The following RIOK3 variants were observed in gnomAD, a reference collection of about 807,000 sequenced individuals.
The protein encoded by RIOK3 is serine/threonine-protein kinase RIO3.
In RIOK3, 40 loss-of-function variants were observed where a neutral mutation model predicts 63.5. The observed-to-expected ratio is 0.63, with a 90% confidence interval of 0.49 to 0.82. The LOEUF (loss-of-function observed/expected upper bound fraction) is 0.82, where lower values mean the gene tolerates loss of function less well. Ranked by LOEUF, RIOK3 falls within the 40% of genes least tolerant of loss-of-function variation. The probability of loss-of-function intolerance (pLI) is 0.00; values close to 1 mark genes in which losing one functional copy is unlikely to be tolerated. For missense variants in RIOK3, 557 were observed against 637.0 expected (o/e 0.87, Z 1.35); for synonymous variants, 193 against 205.0 (o/e 0.94, Z 0.50).
chr18:23,468,225 T>G (rs1433702470), intron 7 of RIOK3, among the ~76,000 whole-genome samples: 4 of 152,108 alleles, frequency 2.6e-5, no homozygotes, highest in Non-Finnish European at 5.9e-5. Flanking sequence ...ATTGGCCATT[T>G]GTATTTCTTT....
intron 2 of RIOK3, among the ~76,000 whole-genome samples, chr18:23,463,578 T>C (rs1406974817): frequency 6.6e-6 from 1 of 152,022 alleles, no homozygotes; most frequent in Non-Finnish European, 1.5e-5. Flanking sequence ...TCCGGCTAAT[T>C]TTGTATTTTT....
rs1944715082 is a variant in RIOK3, at chr18:23,464,583, T to C, written c.498T>C (p.His166=). The part of the protein sequence containing the change: ...IGKGKDITTK[H]DEVVCGRKNT... ...AAGGAAAAGATATCACCACCAAACA[T>C]GATGAAGTAGTATGTGGGAGAAAGA... The change falls in exon 5 of 13, where the codon CAT becomes CAC. Residue 166 remains histidine (H), a synonymous_variant. Transcript: ENST00000339486. 6.2e-7 allele frequency: 1 copy of C among 1,607,706 alleles called. No homozygotes were observed. The highest frequency in any genetic ancestry group is 8.5e-7 in the Non-Finnish European group (1 of 1,178,202).
chr18:23,469,613 C>T (rs1462670894), intron 7 of RIOK3, among the ~76,000 whole-genome samples: 4 of 151,172 alleles, frequency 2.6e-5, no homozygotes, highest in South Asian at 4.2e-4. Context: ...TCAGCCTCCC[C>T]GGTAGCGGGG....
At chr18:23,475,223 C>T in intron 9 of RIOK3, 116 bp downstream of exon 9, 1 of 746,930 alleles carries the variant, frequency 1.3e-6, no homozygotes, top group Non-Finnish European at 2.1e-6. Flanking sequence ...TAATCTAGAA[C>T]TTTGGGAGGC....
At chr18:23,470,794 T>C (rs2057451482) in intron 7 of RIOK3, among the ~76,000 whole-genome samples, 1 of 152,166 alleles carries the variant, frequency 6.6e-6, no homozygotes. Flanking sequence ...CTTTTTGTAG[T>C]AGGACAATGA....
rs765228950 is a variant in RIOK3, at chr18:23,482,654, G to C, written c.*1375G>C. On this transcript the variant is annotated 3_prime_UTR_variant, in exon 13 of 13. Coordinates refer to ENST00000339486, the MANE Select transcript of RIOK3 (RefSeq NM_003831.5). ...TGTGCTAGAAAAGTATATTGGCTTT[G>C]TTAGGATTAAAGTTCATTAACTTCA... The C allele has an allele frequency of 6.6e-6, 1 of 152,106 alleles. No homozygotes were observed. Among genetic ancestry groups the C allele is most frequent in the Non-Finnish European group, 1.5e-5 (1 of 68,028 alleles). The allele number at this position is 152,106 out of a possible 1,614,324, so 9.4% of individuals were successfully genotyped here. A position where few individuals can be genotyped will look rare whatever the true frequency, so the allele number is the denominator to read the frequency against.
chr18:23,477,838 G>A (rs1171755566), intron 11 of RIOK3, among the ~76,000 whole-genome samples: 1 of 151,886 alleles, frequency 6.6e-6, no homozygotes, highest in African/African-American at 2.4e-5. Context: ...GGGAGGCCAA[G>A]GTGGGTGGAT....
chr18:23,455,507 C>T (rs1216547077), intron 1 of RIOK3, among the ~76,000 whole-genome samples: 1 of 151,568 alleles, frequency 6.6e-6, no homozygotes, highest in African/African-American at 2.4e-5. Flanking sequence ...ATTCTCCTGC[C>T]TCAGCCTCCC....
At chr18:23,471,413 A>T (rs1355172535) in intron 7 of RIOK3, among the ~76,000 whole-genome samples, 2 of 152,186 alleles carry the variant, frequency 1.3e-5, no homozygotes, top group African/African-American at 2.4e-5. Flanking sequence ...TGTGAATGGG[A>T]GAGAGGGGGC....
chr18:23,466,037 T>C (rs2057404767), intron 5 of RIOK3, 96 bp from the exon 6 acceptor site: 6 of 879,908 alleles, frequency 6.8e-6, no homozygotes, highest in Non-Finnish European at 1.0e-5. Context: ...GATCATCTAT[T>C]GAGTAAGAAA....
Position 23,473,573 on chromosome 18 carries a change from T to G in RIOK3, c.960T>G (p.Asn320Lys). The change falls in exon 8 of 13, where the codon AAT becomes AAG. Residue 320 changes from asparagine to lysine, a missense_variant. This residue lies in a region of RIOK3 where 309 missense variants were observed against 338.7 expected (regional missense o/e 0.91). Transcript: ENST00000339486. ...TTAAAGATCGCTTCAGTAAACTAAA[T>G]CCACGTAAGATCATCCGCATGTGGG... ...FRFKDRFSKL[N>K]PRKIIRMWAE... The G allele has an allele frequency of 1.9e-6, 3 of 1,613,712 alleles. No individual in the cohort carries two copies. The highest frequency in any genetic ancestry group is 2.5e-6 in the Non-Finnish European group (3 of 1,179,796).
intron 2 of RIOK3, 62 bp downstream of exon 2, chr18:23,463,141 G>A (rs1176411546): frequency 9.7e-6 from 11 of 1,133,284 alleles, no homozygotes; most frequent in Non-Finnish European, 1.4e-5. Flanking sequence ...GATTTGATGA[G>A]TAATTGTCAT....
intron 9 of RIOK3, 136 bp from the exon 10 acceptor site, chr18:23,476,870 C>T: frequency 1.6e-6 from 1 of 641,044 alleles, no homozygotes; most frequent in Non-Finnish European, 2.7e-6. Flanking sequence ...TGAGATCACA[C>T]CACTGCACTC....
At chr18:23,453,536 G>T in intron 1 of RIOK3, 34 bp downstream of exon 1, 1 of 1,530,046 alleles carries the variant, frequency 6.5e-7, no homozygotes, top group Non-Finnish European at 9.1e-7. Context: ...TACTAGCCTT[G>T]GTCACACGGG....
In RIOK3 at chr18:23,467,538, A is replaced by C; in HGVS notation, c.815+12A>C. ...GCATATGGAGGGAGGTAAATGAGCA[A>C]AATATGATACCATGATATGAAAACT... On this transcript the variant is annotated intron_variant, in intron 7 of 12. Transcript: ENST00000339486. The C allele has an allele frequency of 1.2e-6, 2 of 1,610,286 alleles. No individual in the cohort carries two copies. Among genetic ancestry groups the C allele is most frequent in the South Asian group, 2.2e-5 (2 of 90,576 alleles).
chr18:23,463,275 TG>T (rs755847831), intron 2 of RIOK3, 196 bp downstream of exon 2: 97 of 463,570 alleles, frequency 2.1e-4, no homozygotes, highest in Middle Eastern at 1.1e-3. Flanking sequence ...ACTGTTTCTG[TG>T]GGTTTTAGTT....
At chr18:23,475,549 C>T (rs996103169) in intron 9 of RIOK3, among the ~76,000 whole-genome samples, 2 of 151,564 alleles carry the variant, frequency 1.3e-5, no homozygotes, top group Non-Finnish European at 2.9e-5. Context: ...GGATCACTTG[C>T]ACCCAGGAAT....
chr18:23,467,402 A>G lies in RIOK3; in HGVS notation c.691A>G (p.Lys231Glu), dbSNP rs1417394248. 1 of 1,611,458 alleles carries G rather than the reference A, an allele frequency of 6.2e-7. No homozygotes were observed. Among genetic ancestry groups the G allele is most frequent in the African/African-American group, 1.3e-5 (1 of 74,954 alleles). Residue 231 changes from lysine to glutamate, a missense_variant, in exon 7 of 13, where the codon AAA (lysine) becomes GAA (glutamate). Physicochemically the swap from Lys to Glu is moderately conservative, Grantham distance 56 (BLOSUM62 1). Around this residue, in one of 3 missense-constraint regions of RIOK3, gnomAD observed 5 missense variants for 22.8 expected, o/e 0.22. Transcript: ENST00000339486. ...TACAGTGCTTTATCTCTTGCAGGAA[A>G]AAGCAGTTGATCCTAAGACACGTTT... ...HEKKEHSTAE[K>E]AVDPKTRLLM...
chr18:23,462,265 G>T (rs906469703), intron 1 of RIOK3, among the ~76,000 whole-genome samples: 1 of 148,580 alleles, frequency 6.7e-6, no homozygotes, highest in African/African-American at 2.5e-5. Context: ...TCAGCCTCCT[G>T]AGTAGCTGGG....
Sources: allele counts gnomAD v4.1 joint callset (sites outside exome capture counted in the v4.1 genomes callset), GRCh38; gene constraint gnomAD v4.1.1; regional missense constraint gnomAD v4.1.1; transcripts MANE v1.5; gene names NCBI Gene and HGNC (gene_info 2026-07-23, HGNC 2026-07-21).